Variants in LIPA observed in about 807,000 individuals in gnomAD.
LIPA encodes the protein lysosomal acid lipase/cholesteryl ester hydrolase.
Under a neutral mutation model 40.6 loss-of-function variants are expected in LIPA, and 26 were observed. The observed-to-expected ratio is 0.64, with a 90% CI of 0.47 to 0.89. LIPA has a LOEUF of 0.89. LIPA is among the 40% of genes least tolerant of loss of function. The pLI is 0.00. For missense variants in LIPA, 455 were observed against 479.6 expected (o/e 0.95, Z 0.48); for synonymous variants, 188 against 168.4 (o/e 1.12, Z -0.90).
At chr10:89,249,814 A>C (rs1201745950) in intron 1 of LIPA, among the ~76,000 whole-genome samples, 1 of 152,360 alleles carries the variant, frequency 6.6e-6, no homozygotes, top group East Asian at 1.9e-4. Flanking sequence ...TATTGAATGT[A>C]CTGATGGTTT....
At chr10:89,380,075 C>T (rs1844151864) in intron 2 of LIPA, among the ~76,000 whole-genome samples, 2 of 151,900 alleles carry the variant, frequency 1.3e-5, no homozygotes, top group Non-Finnish European at 2.9e-5. Flanking sequence ...GTGTCTGCAT[C>T]TGTGGAGTTG....
intron 1 of LIPA, among the ~76,000 whole-genome samples, chr10:89,271,781 G>C (rs1325732890): frequency 2.0e-5 from 3 of 152,300 alleles, no homozygotes; most frequent in South Asian, 2.1e-4. Context: ...GAAGTCATAG[G>C]CTGGGCTCAG....
intron 1 of LIPA, among the ~76,000 whole-genome samples, chr10:89,264,634 A>G (rs1843225840): frequency 6.6e-6 from 1 of 152,198 alleles, no homozygotes; most frequent in Non-Finnish European, 1.5e-5. Context: ...TCCTATCCGT[A>G]GGCAGGTCAT....
chr10:89,272,246 C>T (rs779235073), intron 1 of LIPA, among the ~76,000 whole-genome samples: 18 of 152,002 alleles, frequency 1.2e-4, no homozygotes, highest in Non-Finnish European at 2.5e-4. Flanking sequence ...TCTCCCTCCT[C>T]CCACCCCCTG....
intron 5 of LIPA, among the ~76,000 whole-genome samples, chr10:89,226,205 C>T (rs1324596886): frequency 6.6e-6 from 1 of 152,088 alleles, no homozygotes; most frequent in Non-Finnish European, 1.5e-5. Context: ...GCAATATAAC[C>T]ACATGTTTTG....
At chr10:89,324,178 A>T (rs1843587277) in intron 1 of LIPA, among the ~76,000 whole-genome samples, 2 of 152,182 alleles carry the variant, frequency 1.3e-5, no homozygotes, top group South Asian at 4.1e-4. Context: ...ACAAAAACAG[A>T]CACATAGACC....
chr10:89,375,504 C>T (rs1277740730), intron 2 of LIPA, among the ~76,000 whole-genome samples: 1 of 152,156 alleles, frequency 6.6e-6, no homozygotes, highest in Non-Finnish European at 1.5e-5. Flanking sequence ...GAGTACACAA[C>T]CCCAAAATAA....
chr10:89,403,127 T>G (rs778578190), intron 2 of LIPA: 4 of 1,614,112 alleles, frequency 2.5e-6, no homozygotes, highest in Non-Finnish European at 3.4e-6. Context: ...CACCCACTTC[T>G]GTCTTACTGC....
chr10:89,252,807 CA>C (rs34928929), upstream of LIPA, among the ~76,000 whole-genome samples: 157 of 132,240 alleles, frequency 1.2e-3, no homozygotes, highest in African/African-American at 2.9e-3. Context: ...CTCCATCCCC[CA>C]AAAAAAAAAA....
intron 1 of LIPA, among the ~76,000 whole-genome samples, chr10:89,332,080 A>C (rs1843658456): frequency 6.6e-6 from 1 of 152,054 alleles, no homozygotes. Context: ...AAAATACAAA[A>C]ATTATCCAGG....
chr10:89,279,221 G>T (rs1843304027), intron 1 of LIPA, among the ~76,000 whole-genome samples: 1 of 152,184 alleles, frequency 6.6e-6, no homozygotes, highest in South Asian at 2.1e-4. Flanking sequence ...AAGCTGAAAT[G>T]AACCCTGGCC....
chr10:89,240,865 A>AT (rs1842957014), intron 3 of LIPA, among the ~76,000 whole-genome samples: 1 of 152,204 alleles, frequency 6.6e-6, no homozygotes, highest in South Asian at 2.1e-4. Flanking sequence ...GGAGGGCTGC[A>AT]GGAGCATGCT....
chr10:89,408,903 C>T (rs1238372550), intron 2 of LIPA, among the ~76,000 whole-genome samples: 1 of 152,152 alleles, frequency 6.6e-6, no homozygotes, highest in African/African-American at 2.4e-5. Context: ...ATTATGGATC[C>T]CCACTGGGAC....
At chr10:89,294,068 G>GTGAA (rs925675320) in intron 1 of LIPA, among the ~76,000 whole-genome samples, 1 of 152,194 alleles carries the variant, frequency 6.6e-6, no homozygotes, top group Non-Finnish European at 1.5e-5. Flanking sequence ...TGAACGAATG[G>GTGAA]TGAATGAATG....
chr10:89,295,020 TGAAAGGAAAG>T (rs56297817), intron 1 of LIPA, among the ~76,000 whole-genome samples: 3,195 of 106,632 alleles, frequency 0.03, 72 homozygotes, highest in African/African-American at 0.072. Context: ...GGAAATGAAA[TGAAAGGAAAG>T]GAAAGGAAAG....
At chr10:89,225,360 G>A (rs1411055169) in intron 5 of LIPA, 132 bp from the exon 6 acceptor site, 5 of 1,053,274 alleles carry the variant, frequency 4.7e-6, no homozygotes, top group Non-Finnish European at 5.9e-6. Flanking sequence ...ACCAGCAGGA[G>A]CCAAAACACT....
At chr10:89,255,678 A>G (rs1843177164), upstream of LIPA, among the ~76,000 whole-genome samples, 1 of 152,228 alleles carries the variant, frequency 6.6e-6, no homozygotes, top group Admixed American at 6.5e-5. Context: ...GAGGGACAGT[A>G]GCATCAAGGA....
intron 2 of LIPA, among the ~76,000 whole-genome samples, chr10:89,366,152 G>A (rs1018246495): frequency 1.4e-4 from 21 of 152,160 alleles, no homozygotes; most frequent in South Asian, 2.1e-4. Context: ...AGTTCTGCTT[G>A]AAGAGGTCCT....
chr10:89,245,114 T>G (rs1282540982), intron 3 of LIPA, among the ~76,000 whole-genome samples: 1 of 152,146 alleles, frequency 6.6e-6, no homozygotes, highest in African/African-American at 2.4e-5. Context: ...CTCCAAGATA[T>G]TAAGTAAAAA....
Sources: allele counts gnomAD v4.1 joint callset (sites outside exome capture counted in the v4.1 genomes callset), GRCh38; gene constraint gnomAD v4.1.1; transcripts MANE v1.5; gene names NCBI Gene and HGNC (gene_info 2026-07-23, HGNC 2026-07-21).